NUBPL: variants seen among roughly 807,000 people sequenced by gnomAD.
NUBPL encodes the protein iron-sulfur cluster transfer protein NUBPL.
A neutral mutation model predicts 45.7 loss-of-function variants in NUBPL; 31 were observed. The ratio of observed to expected loss-of-function variants is 0.68; its 90% CI spans 0.51 to 0.92. The LOEUF is 0.92. Ranked by LOEUF, NUBPL falls within the 40% of genes least tolerant of loss-of-function variation. The pLI is 0.00. For synonymous variants in NUBPL, 144 were observed against 140.9 expected, an observed-to-expected ratio of 1.02 and a Z score of -0.15; for missense variants, 401 against 398.7, an observed-to-expected ratio of 1.01 and a Z score of -0.05.
chr14:31,760,098 C>T (rs1262340616), intron 6 of NUBPL, among the ~76,000 whole-genome samples: 1 of 128,180 alleles, frequency 7.8e-6, no homozygotes, highest in Non-Finnish European at 1.6e-5. Context: ...AACTCTATTA[C>T]TTCTATTACT....
At chr14:31,676,224 T>C (rs1203911345) in intron 6 of NUBPL, among the ~76,000 whole-genome samples, 1 of 152,098 alleles carries the variant, frequency 6.6e-6, no homozygotes, top group Non-Finnish European at 1.5e-5. Flanking sequence ...GGTTTCTCCA[T>C]GTTGGTTAGG....
intron 4 of NUBPL, among the ~76,000 whole-genome samples, chr14:31,665,540 T>C (rs1193891885): frequency 6.6e-6 from 1 of 152,110 alleles, no homozygotes; most frequent in Non-Finnish European, 1.5e-5. Flanking sequence ...GCAGTTTTGA[T>C]TGAGTTTCTT....
intron 8 of NUBPL, among the ~76,000 whole-genome samples, chr14:31,833,006 G>A (rs193041896): frequency 1.1e-4 from 16 of 152,230 alleles, no homozygotes; most frequent in Admixed American, 5.9e-4. Flanking sequence ...AGAATGTTAT[G>A]AAACAGATAA....
intron 4 of NUBPL, among the ~76,000 whole-genome samples, chr14:31,602,496 A>C (rs889380143): frequency 6.6e-6 from 1 of 152,060 alleles, no homozygotes; most frequent in Non-Finnish European, 1.5e-5. Flanking sequence ...TAGAGCACCG[A>C]ATTTTAATAA....
At chr14:31,605,994 C>T (rs992493684) in intron 4 of NUBPL, among the ~76,000 whole-genome samples, 3 of 149,414 alleles carry the variant, frequency 2.0e-5, no homozygotes, top group African/African-American at 7.4e-5. Flanking sequence ...TCTCGTCCTC[C>T]CTTCTCCTTC....
chr14:31,722,518 C>G (rs539550268), intron 6 of NUBPL, among the ~76,000 whole-genome samples: 1 of 152,280 alleles, frequency 6.6e-6, no homozygotes, highest in South Asian at 2.1e-4. Context: ...AATGGCCACA[C>G]TTCTTTCCAC....
intron 3 of NUBPL, among the ~76,000 whole-genome samples, chr14:31,576,366 A>G (rs1017665531): frequency 4.6e-5 from 7 of 152,140 alleles, no homozygotes; most frequent in Non-Finnish European, 8.8e-5. Context: ...GGCTCAAGCA[A>G]TCCTCCTGGT....
intron 10 of NUBPL, among the ~76,000 whole-genome samples, chr14:31,856,804 TG>T (rs2040628226): frequency 6.6e-6 from 1 of 152,346 alleles, no homozygotes; most frequent in African/African-American, 2.4e-5. Flanking sequence ...CCCATAGTCT[TG>T]GGCAGCTTTG....
chr14:31,607,131 A>T (rs1274093560), intron 4 of NUBPL, among the ~76,000 whole-genome samples: 1 of 152,184 alleles, frequency 6.6e-6, no homozygotes, highest in Non-Finnish European at 1.5e-5. Context: ...CTGTAATCCT[A>T]GCACTTCGTG....
intron 2 of NUBPL, among the ~76,000 whole-genome samples, chr14:31,564,278 A>C (rs143310116): frequency 1.8e-4 from 28 of 151,978 alleles, no homozygotes; most frequent in African/African-American, 6.0e-4. Flanking sequence ...AACACATTTT[A>C]CTCTCTTACC....
At chr14:31,580,496 T>TAG (rs2033833651) in intron 3 of NUBPL, among the ~76,000 whole-genome samples, 1 of 152,146 alleles carries the variant, frequency 6.6e-6, no homozygotes, top group Non-Finnish European at 1.5e-5. Flanking sequence ...CGTACAGCTG[T>TAG]AGTCCCAGCT....
chr14:31,651,532 A>G (rs1234206461), intron 4 of NUBPL, among the ~76,000 whole-genome samples: 1 of 152,136 alleles, frequency 6.6e-6, no homozygotes, highest in Non-Finnish European at 1.5e-5. Context: ...GTATTTTTAA[A>G]CCACACATCT....
At chr14:31,807,867 T>G (rs1247857857) in intron 7 of NUBPL, among the ~76,000 whole-genome samples, 2 of 152,234 alleles carry the variant, frequency 1.3e-5, no homozygotes, top group South Asian at 2.1e-4. Context: ...CAGCACCATT[T>G]ATTAAATAGG....
At chr14:31,737,362 A>G (rs1336169698) in intron 6 of NUBPL, among the ~76,000 whole-genome samples, 1 of 152,234 alleles carries the variant, frequency 6.6e-6, no homozygotes, top group African/African-American at 2.4e-5. Context: ...ATGGATGTCT[A>G]GTTGTTCCAG....
At chr14:31,561,886 T>G (rs1315485577) in intron 1 of NUBPL, 182 bp from the exon 2 acceptor site, 4 of 653,082 alleles carry the variant, frequency 6.1e-6, no homozygotes, top group Non-Finnish European at 1.0e-5. Context: ...AAATTTCAAT[T>G]TAAGCAATGT....
At chr14:31,803,608 T>G (rs2138873531) in intron 7 of NUBPL, among the ~76,000 whole-genome samples, 1 of 152,328 alleles carries the variant, frequency 6.6e-6, no homozygotes, top group South Asian at 2.1e-4. Context: ...TTTTGGACTT[T>G]TTTCAAGCAC....
intron 4 of NUBPL, among the ~76,000 whole-genome samples, chr14:31,604,646 AATG>A (rs2034534791): frequency 6.6e-6 from 1 of 152,184 alleles, no homozygotes; most frequent in East Asian, 1.9e-4. Flanking sequence ...TTCATTTTAA[AATG>A]ATATGTTAGG....
intron 6 of NUBPL, among the ~76,000 whole-genome samples, chr14:31,739,646 A>T (rs150339697): frequency 7.9e-4 from 120 of 152,264 alleles, no homozygotes; most frequent in South Asian, 1.7e-3. Context: ...ATACTTGATG[A>T]ACCTACATTG....
rs117682878 is a variant in NUBPL at position 31,799,410 on chromosome 14, C to A, written c.607+11537C>A. Among the ~76,000 whole-genome samples the A allele has an allele frequency of 6.4e-4, 98 of 152,242 alleles. 4 individuals carry two copies. In the East Asian group the frequency reaches 0.018, roughly 29 times the overall value. On this transcript the variant is annotated intron_variant, in intron 7 of 10. Transcript: ENST00000281081. ...TTTAGTACCTTACTAAACATCCCTG[C>A]AAGAAATAAGGTAATTTCTTAATTA...
Sources: gnomAD v4.1 joint callset for allele counts (sites outside exome capture counted in the v4.1 genomes callset) on GRCh38, gnomAD v4.1.1 for gene constraint, MANE v1.5 for transcripts, NCBI Gene and HGNC (gene_info 2026-07-23, HGNC 2026-07-21) for gene names.